Variants in SLC68A1 observed in about 807,000 individuals in gnomAD.
SLC68A1 encodes solute carrier family 68 member 1, also known as major facilitator superfamily domain containing 13A.
chr10:102,467,821 T>C, the SLC68A1 span, among the ~76,000 whole-genome samples: 1 of 152,130 alleles, frequency 6.6e-6, no homozygotes, highest in East Asian at 1.9e-4. Context: ...CATGCCCGGC[T>C]AATTTTTTGT....
chr10:102,461,521 G>C, the SLC68A1 span: 1 of 152,366 alleles, frequency 6.6e-6, no homozygotes, highest in Non-Finnish European at 1.5e-5. Context: ...TGGCACAAAC[G>C]ACAGACCCGA....
chr10:102,466,351 CA>C, the SLC68A1 span, among the ~76,000 whole-genome samples: 1 of 151,938 alleles, frequency 6.6e-6, no homozygotes, highest in African/African-American at 2.4e-5. Flanking sequence ...GGCATGATGG[CA>C]GGTGCCTGTA....
chr10:102,472,066 G>C, the SLC68A1 span: 1 of 455,324 alleles, frequency 2.2e-6, no homozygotes, highest in South Asian at 1.6e-5. Flanking sequence ...GGGACGCCAA[G>C]GTGGAAAGAC....
At chr10:102,476,021 G>C in the SLC68A1 span, 1 of 1,407,450 alleles carries the variant, frequency 7.1e-7, no homozygotes, top group Non-Finnish European at 9.3e-7. Context: ...GGATGCTGCT[G>C]GCAGCCTGGG....
the SLC68A1 span, among the ~76,000 whole-genome samples, chr10:102,462,621 G>C: frequency 6.6e-6 from 1 of 152,098 alleles, no homozygotes; most frequent in Non-Finnish European, 1.5e-5. Context: ...GGCCTGGTAG[G>C]GTGAAGGGGA....
At chr10:102,465,059 C>G in the SLC68A1 span, among the ~76,000 whole-genome samples, 1 of 152,024 alleles carries the variant, frequency 6.6e-6, no homozygotes, top group African/African-American at 2.4e-5. Context: ...TTGAGACCAG[C>G]CTGACCAATA....
At chr10:102,469,326 C>T in the SLC68A1 span, 2 of 853,006 alleles carry the variant, frequency 2.3e-6, no homozygotes, top group African/African-American at 1.7e-5. Flanking sequence ...CCAGGTTGTT[C>T]ACCAAGACTC....
At chr10:102,467,721 A>G in the SLC68A1 span, among the ~76,000 whole-genome samples, 1 of 151,966 alleles carries the variant, frequency 6.6e-6, no homozygotes, top group African/African-American at 2.4e-5. Context: ...CGTTGGCGCA[A>G]TCTTGGCTCA....
At chr10:102,469,707 C>T in the SLC68A1 span, 5 of 280,128 alleles carry the variant, frequency 1.8e-5, no homozygotes, top group East Asian at 5.4e-4. Flanking sequence ...CCACCACGCC[C>T]GGCTAATTTT....
At chr10:102,465,316 T>G in the SLC68A1 span, among the ~76,000 whole-genome samples, 2 of 151,788 alleles carry the variant, frequency 1.3e-5, no homozygotes, top group African/African-American at 4.8e-5. Flanking sequence ...TCCCAGCTAC[T>G]GAGGAGACTG....
chr10:102,469,939 C>A, the SLC68A1 span: 10 of 1,591,114 alleles, frequency 6.3e-6, no homozygotes, highest in African/African-American at 6.7e-5. Context: ...GGGGGAGGAG[C>A]CCTGGAGAGG....
At chr10:102,475,484 G>A in the SLC68A1 span, among the ~76,000 whole-genome samples, 15 of 152,116 alleles carry the variant, frequency 9.9e-5, no homozygotes, top group South Asian at 2.1e-4. Flanking sequence ...GAGTGATGGC[G>A]TGAAACCAAC....
At chr10:102,469,235 GT>G in the SLC68A1 span, 1 of 1,607,870 alleles carries the variant, frequency 6.2e-7, no homozygotes, top group Non-Finnish European at 8.5e-7. Flanking sequence ...GGAGGAGGGG[GT>G]GGGGTGGAGA....
chr10:102,464,906 G>C, the SLC68A1 span, among the ~76,000 whole-genome samples: 1 of 151,896 alleles, frequency 6.6e-6, no homozygotes, highest in Non-Finnish European at 1.5e-5. Context: ...ATCACTTGAG[G>C]TCAGGAGTTC....
At chr10:102,472,170 A>C in the SLC68A1 span, 1 of 366,774 alleles carries the variant, frequency 2.7e-6, no homozygotes, top group African/African-American at 2.1e-5. Context: ...CTCTAAAAAA[A>C]GAAGAGCTAA....
the SLC68A1 span, chr10:102,473,624 GGCGCTGGGGCGTCTAC>G: frequency 6.2e-7 from 1 of 1,614,012 alleles, no homozygotes; most frequent in Non-Finnish European, 8.5e-7. Flanking sequence ...TCCCTGTGCC[GGCGCTGGGGCGTCTAC>G]GCGGTGGTGC....
the SLC68A1 span, chr10:102,470,179 T>C: frequency 9.4e-7 from 1 of 1,062,396 alleles, no homozygotes; most frequent in Non-Finnish European, 1.4e-6. Context: ...AAGGGGAGAC[T>C]ATTTCAGTGT....
chr10:102,476,473 G>C, the SLC68A1 span: 1 of 983,308 alleles, frequency 1.0e-6, no homozygotes, highest in Non-Finnish European at 1.2e-6. Context: ...CCAAAGTGCT[G>C]GGAATACAGG....
the SLC68A1 span, chr10:102,469,193 G>A: frequency 6.2e-7 from 1 of 1,614,014 alleles, no homozygotes; most frequent in Non-Finnish European, 8.5e-7. Flanking sequence ...TTCTGGGTCG[G>A]AGAGGTAGGG....
Sources: allele counts gnomAD v4.1 joint callset (sites outside exome capture counted in the v4.1 genomes callset), GRCh38; gene constraint gnomAD v4.1.1; transcripts MANE v1.5; gene names NCBI Gene and HGNC (gene_info 2026-07-23, HGNC 2026-07-21).